The following FAM83B variants were observed in gnomAD, a reference collection of about 807,000 sequenced individuals.
FAM83B encodes scaffolding CK1 anchoring protein B, also known as protein FAM83B.
FAM83B carries 26 observed loss-of-function variants against 38.8 expected under a neutral mutation model. The ratio of observed to expected loss-of-function variants is 0.67; its 90% confidence interval spans 0.49 to 0.93. The LOEUF (loss-of-function observed/expected upper bound fraction) is 0.93. Among genes scored for constraint, FAM83B ranks in the 40% least tolerant of loss-of-function variants. The pLI is 0.00. For missense variants in FAM83B, 1,237 were observed against 1,197.3 expected (o/e 1.03, Z -0.49); for synonymous variants, 419 against 423.1 (o/e 0.99, Z 0.12).
Position 54,942,005 on chromosome 6 carries a change from T to C in FAM83B, c.3034T>C (p.Ter1012GlnextTer46). ...KFGNFIHKNK[*>Q] ...TGGAAACTTTATACACAAAAATAAA[T>C]AGCTATTAAAATGCAAAATGAATGA... Residue 1012 changes from the stop codon to glutamine (Q), a stop_lost, in exon 5 of 5, where the codon TAG becomes CAG. Coordinates refer to ENST00000306858, the MANE Select transcript of FAM83B (RefSeq NM_001010872.3). The C allele has an allele frequency of 6.3e-7, 1 of 1,588,710 alleles. No homozygotes were observed. Among genetic ancestry groups the C allele is most frequent in the Non-Finnish European group, 8.6e-7 (1 of 1,169,066 alleles).
At chr6:54,922,836 C>G (rs888772012) in intron 2 of FAM83B, among the ~76,000 whole-genome samples, 2 of 152,010 alleles carry the variant, frequency 1.3e-5, no homozygotes, top group Non-Finnish European at 2.9e-5. Context: ...TTACATTATG[C>G]TGTATATTGC....
At chr6:54,851,679 G>A (rs1581876229) in intron 1 of FAM83B, among the ~76,000 whole-genome samples, 2 of 115,286 alleles carry the variant, frequency 1.7e-5, no homozygotes, top group South Asian at 2.8e-4. Flanking sequence ...ACGGAGTCTC[G>A]CTCTGTCGCC....
rs1004206436 is a variant in FAM83B, at chr6:54,944,080, C to G, written c.*2073C>G. The G allele has an allele frequency of 6.6e-6, 1 of 151,892 alleles. No homozygotes were observed. The highest frequency in any genetic ancestry group is 1.5e-5 in the Non-Finnish European group (1 of 67,956). The allele number at this position is 151,892 out of a possible 1,614,324, so 9.4% of individuals were successfully genotyped here. On this transcript the variant is annotated 3_prime_UTR_variant, in exon 5 of 5. Transcript: ENST00000306858. ...TTTTTAAAAATTGTTTTTCTTGTAT[C>G]TTTTTTCTTCAAAAATATCTATATT...
chr6:54,895,135 T>C (rs1448286937), intron 2 of FAM83B, among the ~76,000 whole-genome samples: 1 of 152,198 alleles, frequency 6.6e-6, no homozygotes, highest in East Asian at 1.9e-4. Flanking sequence ...GTGTTAAAAG[T>C]ACTGTATTGT....
At chr6:54,901,319 G>C (rs1772655375) in intron 2 of FAM83B, among the ~76,000 whole-genome samples, 1 of 152,094 alleles carries the variant, frequency 6.6e-6, no homozygotes, top group South Asian at 2.1e-4. Context: ...ATATCAGTAA[G>C]TAAAATTGTT....
chr6:54,935,307 G>A (rs1351907148), intron 4 of FAM83B, among the ~76,000 whole-genome samples: 2 of 152,114 alleles, frequency 1.3e-5, no homozygotes, highest in Non-Finnish European at 2.9e-5. Context: ...GACAGACAAA[G>A]GGAGAACATA....
intron 2 of FAM83B, among the ~76,000 whole-genome samples, chr6:54,882,408 T>C (rs1439348078): frequency 6.6e-6 from 1 of 152,154 alleles, no homozygotes; most frequent in Admixed American, 6.5e-5. Context: ...TTTATTGCCC[T>C]TTTTTTAGAG....
chr6:54,871,771 A>AAT (rs1771860388), intron 2 of FAM83B, among the ~76,000 whole-genome samples: 2 of 146,026 alleles, frequency 1.4e-5, no homozygotes, highest in Non-Finnish European at 3.0e-5. Flanking sequence ...AAAAAAAAAA[A>AAT]GTATAGGCAA....
rs566577867 is a variant in FAM83B at position 54,932,243 on chromosome 6, C to T, written c.734+4611C>T. Among the ~76,000 whole-genome samples, 18 of 152,190 alleles carry T rather than the reference C, an allele frequency of 1.2e-4. No homozygotes were observed. The South Asian group carries it at 3.7e-3, about 32-fold the overall frequency. On this transcript the variant is annotated intron_variant, in intron 4 of 4. Coordinates refer to ENST00000306858, the MANE Select transcript of FAM83B (RefSeq NM_001010872.3). The stretch of plus-strand genomic sequence containing the variant: ...GCCAGGCTGGTCTCGAACTCCTGAC[C>T]TCAGGTGATCTGCCCACCTCAACCT...
At chr6:54,893,729 A>T (rs1015139734) in intron 2 of FAM83B, among the ~76,000 whole-genome samples, 1 of 152,186 alleles carries the variant, frequency 6.6e-6, no homozygotes, top group African/African-American at 2.4e-5. Flanking sequence ...AGATATATAT[A>T]GATAGAGAGG....
chr6:54,877,607 T>C (rs1772031146), intron 2 of FAM83B, among the ~76,000 whole-genome samples: 1 of 152,250 alleles, frequency 6.6e-6, no homozygotes, highest in Non-Finnish European at 1.5e-5. Context: ...AATGAATTTA[T>C]ATTATGCAAT....
At chr6:54,869,600 A>C (rs150386414) in intron 1 of FAM83B, among the ~76,000 whole-genome samples, 169 of 151,802 alleles carry the variant, frequency 1.1e-3, no homozygotes, top group African/African-American at 3.8e-3. Context: ...TTGCCACCTG[A>C]TCAGATTCTT....
At chr6:54,870,106 AAAT>A (rs1218307182) in intron 1 of FAM83B, 78 bp from the exon 2 acceptor site, 3 of 636,774 alleles carry the variant, frequency 4.7e-6, no homozygotes, top group Non-Finnish European at 5.4e-6. Flanking sequence ...GTAAATGAAA[AAAT>A]AATAGTTGAT....
chr6:54,868,284 G>T (rs1771765468), intron 1 of FAM83B, among the ~76,000 whole-genome samples: 1 of 152,066 alleles, frequency 6.6e-6, no homozygotes, highest in African/African-American at 2.4e-5. Flanking sequence ...ATGTTTAGCA[G>T]CATCCTGGGT....
chr6:54,895,674 G>C (rs1209147935), intron 2 of FAM83B, among the ~76,000 whole-genome samples: 1 of 152,026 alleles, frequency 6.6e-6, no homozygotes, highest in Non-Finnish European at 1.5e-5. Context: ...TGTTTTTGTT[G>C]AGAGGGACTT....
intron 2 of FAM83B, among the ~76,000 whole-genome samples, chr6:54,921,764 G>A (rs1773179555): frequency 1.3e-5 from 2 of 151,844 alleles, no homozygotes; most frequent in African/African-American, 4.8e-5. Context: ...ATTATATATA[G>A]CCATGTGGCC....
At chr6:54,892,871 G>A (rs138997739) in intron 2 of FAM83B, among the ~76,000 whole-genome samples, 1 of 152,092 alleles carries the variant, frequency 6.6e-6, no homozygotes, top group Non-Finnish European at 1.5e-5. Context: ...CTAATGAGTA[G>A]AACATAGCAG....
Position 54,941,953 on chromosome 6 carries a change from C to T in FAM83B, c.2982C>T (p.Asn994=), listed in dbSNP as rs751703533. Residue 994 remains asparagine (N), a synonymous_variant, in exon 5 of 5, where the codon AAC becomes AAT. Coordinates refer to ENST00000306858, the MANE Select transcript of FAM83B (RefSeq NM_001010872.3). ...GVYRSYQPNE[N]KFRGFMQKFG... is the part of the protein sequence containing the mutation. ...ATCGCTCATATCAACCCAATGAGAA[C>T]AAGTTTCGAGGATTTATGCAAAAGT... is the stretch of plus-strand genomic sequence containing the variant. The T allele has an allele frequency of 3.1e-6, 5 of 1,610,088 alleles. No homozygotes were observed. The highest frequency in any genetic ancestry group is 2.2e-5 in the East Asian group (1 of 44,844).
chr6:54,900,226 G>C (rs182799062), intron 2 of FAM83B, among the ~76,000 whole-genome samples: 3 of 152,252 alleles, frequency 2.0e-5, no homozygotes, highest in African/African-American at 7.2e-5. Flanking sequence ...CAAGAACAAA[G>C]AACCAATCTA....
Sources: allele counts gnomAD v4.1 joint callset (sites outside exome capture counted in the v4.1 genomes callset), GRCh38; gene constraint gnomAD v4.1.1; transcripts MANE v1.5; gene names NCBI Gene and HGNC (gene_info 2026-07-23, HGNC 2026-07-21).